Variants in TNNI3K observed in about 807,000 individuals in gnomAD.
The protein encoded by TNNI3K is serine/threonine-protein kinase TNNI3K.
TNNI3K carries 140 observed loss-of-function variants against 114.5 expected under a neutral mutation model. That is an observed-to-expected ratio of 1.22 (90% CI 1.07 to 1.41). The LOEUF (loss-of-function observed/expected upper bound fraction) is 1.41, where lower values mean the gene tolerates loss of function less well. Ranked by LOEUF, TNNI3K falls within the 40% of genes most tolerant of loss-of-function variation. TNNI3K has a pLI of 0.00. For synonymous variants in TNNI3K, 347 were observed against 347.5 expected (o/e 1.00, Z 0.02); for missense variants, 1,125 against 1,007.6 (o/e 1.12, Z -1.58).
intron 5 of TNNI3K, among the ~76,000 whole-genome samples, chr1:74,275,124 A>C (rs555188759): frequency 9.9e-5 from 15 of 152,112 alleles, no homozygotes; most frequent in African/African-American, 3.1e-4. Context: ...TTCAGTGAGG[A>C]TAGAGATTGT....
intron 11 of TNNI3K, among the ~76,000 whole-genome samples, chr1:74,355,721 T>C (rs1390267223): frequency 3.9e-5 from 6 of 152,188 alleles, no homozygotes; most frequent in Non-Finnish European, 8.8e-5. Context: ...GTTGTAAGCA[T>C]GCAGTAAGCG....
At chr1:74,328,850 G>A (rs894346654) in intron 5 of TNNI3K, among the ~76,000 whole-genome samples, 2 of 152,036 alleles carry the variant, frequency 1.3e-5, no homozygotes, top group Non-Finnish European at 2.9e-5. Flanking sequence ...AGTCCGTTTT[G>A]CATAAAAATT....
chr1:74,424,734 A>AG (rs1553144825), intron 17 of TNNI3K, among the ~76,000 whole-genome samples: 6 of 151,422 alleles, frequency 4.0e-5, no homozygotes, highest in South Asian at 2.1e-4. Context: ...AAAAAAAAAA[A>AG]AGAGAGAGAC....
chr1:74,263,030 AAGAC>A (rs1003423018), intron 4 of TNNI3K, among the ~76,000 whole-genome samples: 4 of 152,082 alleles, frequency 2.6e-5, no homozygotes, highest in Admixed American at 6.6e-5. Flanking sequence ...AAATAAATGA[AAGAC>A]AGACAATGAT....
intron 23 of TNNI3K, among the ~76,000 whole-genome samples, chr1:74,523,005 C>G (rs1646454709): frequency 6.6e-6 from 1 of 152,208 alleles, no homozygotes. Context: ...CATGCATTCA[C>G]TACAGCAGAT....
At chr1:74,514,050 C>T (rs1411798109) in intron 23 of TNNI3K, among the ~76,000 whole-genome samples, 3 of 152,106 alleles carry the variant, frequency 2.0e-5, no homozygotes, top group African/African-American at 4.8e-5. Context: ...ACGATAACTG[C>T]GTTTTTCAAT....
At chr1:74,536,199 T>C (rs1421946117) in intron 23 of TNNI3K, among the ~76,000 whole-genome samples, 1 of 152,142 alleles carries the variant, frequency 6.6e-6, no homozygotes, top group Non-Finnish European at 1.5e-5. Context: ...TCTTCTTAGC[T>C]CTTCTGTCAT....
intron 20 of TNNI3K, among the ~76,000 whole-genome samples, chr1:74,460,773 C>T (rs1667423665): frequency 6.6e-6 from 1 of 152,244 alleles, no homozygotes; most frequent in East Asian, 1.9e-4. Context: ...TGAGTAGCAT[C>T]ACTGCCAAGA....
intron 4 of TNNI3K, among the ~76,000 whole-genome samples, chr1:74,252,568 T>C (rs1237155147): frequency 6.6e-6 from 1 of 152,216 alleles, no homozygotes; most frequent in East Asian, 1.9e-4. Context: ...TTACAGTTCT[T>C]AAAGGCGGCA....
intron 17 of TNNI3K, among the ~76,000 whole-genome samples, chr1:74,396,128 C>T (rs542643199): frequency 6.0e-4 from 91 of 152,318 alleles, no homozygotes; most frequent in African/African-American, 2.1e-3. Context: ...GATCCCCTAA[C>T]ATGCTTGCCC....
chr1:74,336,935 A>G (rs1346856969), intron 7 of TNNI3K, among the ~76,000 whole-genome samples: 1 of 152,106 alleles, frequency 6.6e-6, no homozygotes, highest in South Asian at 2.1e-4. Flanking sequence ...ACTGACTTCC[A>G]CAATGGTTGA....
At chr1:74,433,526 G>A (rs1665986892) in intron 17 of TNNI3K, among the ~76,000 whole-genome samples, 1 of 152,146 alleles carries the variant, frequency 6.6e-6, no homozygotes, top group African/African-American at 2.4e-5. Flanking sequence ...CTATCTTGAA[G>A]TGAATAGAAA....
chr1:74,302,984 G>A (rs1045927441), intron 5 of TNNI3K, among the ~76,000 whole-genome samples: 6 of 152,192 alleles, frequency 3.9e-5, no homozygotes, highest in African/African-American at 1.4e-4. Context: ...TCAATGCCTG[G>A]ATTCAAAGCT....
At chr1:74,391,199 A>G (rs72673297) in intron 17 of TNNI3K, among the ~76,000 whole-genome samples, 12,813 of 152,236 alleles carry the variant, frequency 0.084, 558 homozygotes, top group Non-Finnish European at 0.1. Context: ...GAGATACTGC[A>G]GTTGCCAAAA....
intron 23 of TNNI3K, among the ~76,000 whole-genome samples, chr1:74,530,112 G>A (rs994285093): frequency 5.3e-5 from 8 of 152,166 alleles, no homozygotes; most frequent in African/African-American, 1.2e-4. Context: ...TTACAAGCAT[G>A]AGCCACTGTG....
intron 17 of TNNI3K, among the ~76,000 whole-genome samples, chr1:74,405,364 T>A (rs1443515486): frequency 6.6e-6 from 1 of 151,934 alleles, no homozygotes; most frequent in African/African-American, 2.4e-5. Context: ...AGCAAATGAG[T>A]TTTGGAACTA....
chr1:74,535,810 T>A (rs189684460), intron 23 of TNNI3K, among the ~76,000 whole-genome samples: 112 of 152,264 alleles, frequency 7.4e-4, no homozygotes, highest in African/African-American at 2.6e-3. Flanking sequence ...ATTCAGTCAG[T>A]CACAATTGAA....
intron 23 of TNNI3K, among the ~76,000 whole-genome samples, chr1:74,521,064 A>G (rs1646425710): frequency 6.6e-6 from 1 of 152,098 alleles, no homozygotes; most frequent in South Asian, 2.1e-4. Flanking sequence ...TCTTACAGCT[A>G]TTTCTCCTTT....
At chr1:74,385,190 T>C (rs1363768510) in intron 17 of TNNI3K, among the ~76,000 whole-genome samples, 2 of 152,142 alleles carry the variant, frequency 1.3e-5, no homozygotes, top group African/African-American at 4.8e-5. Flanking sequence ...AAATGCAAAC[T>C]AATCAATAGA....
Sources: gnomAD v4.1 joint callset for allele counts (sites outside exome capture counted in the v4.1 genomes callset) on GRCh38, gnomAD v4.1.1 for gene constraint, MANE v1.5 for transcripts, NCBI Gene and HGNC (gene_info 2026-07-23, HGNC 2026-07-21) for gene names.